Variants in RAB3C observed in about 807,000 individuals in gnomAD.
The protein encoded by RAB3C is ras-related protein Rab-3C.
A neutral mutation model predicts 26.4 loss-of-function variants in RAB3C; 17 were observed. That is an observed-to-expected ratio of 0.64 (90% CI 0.44 to 0.97). RAB3C has a LOEUF of 0.97. RAB3C is among the 50% of genes least tolerant of loss of function. The probability of loss-of-function intolerance (pLI) is 0.00; values close to 1 mark genes in which losing one functional copy is unlikely to be tolerated. For missense variants in RAB3C, 242 were observed against 281.9 expected (o/e 0.86, Z 1.01); for synonymous variants, 91 against 95.9 (o/e 0.95, Z 0.30).
chr5:58,698,177 C>T (rs973224304), intron 2 of RAB3C, among the ~76,000 whole-genome samples: 1 of 152,264 alleles, frequency 6.6e-6, no homozygotes, highest in South Asian at 2.1e-4. Flanking sequence ...TTCTCCTTCA[C>T]TTGTGAAGGT....
At chr5:58,766,997 C>A (rs1465902563) in intron 3 of RAB3C, among the ~76,000 whole-genome samples, 1 of 147,840 alleles carries the variant, frequency 6.8e-6, no homozygotes, top group Non-Finnish European at 1.5e-5. Flanking sequence ...AAGTGTATAC[C>A]CACATAGTCA....
chr5:58,648,370 A>G (rs1455413354), intron 2 of RAB3C, among the ~76,000 whole-genome samples: 1 of 151,864 alleles, frequency 6.6e-6, no homozygotes, highest in African/African-American at 2.4e-5. Flanking sequence ...GATGAACAAG[A>G]CTCCCTGCTT....
intron 2 of RAB3C, among the ~76,000 whole-genome samples, chr5:58,719,239 A>G (rs1247490733): frequency 6.6e-6 from 1 of 152,094 alleles, no homozygotes; most frequent in African/African-American, 2.4e-5. Flanking sequence ...TAAGAGAGAA[A>G]TAGATATCTA....
At chr5:58,609,848 G>A (rs1746659133) in intron 1 of RAB3C, among the ~76,000 whole-genome samples, 1 of 152,138 alleles carries the variant, frequency 6.6e-6, no homozygotes, top group African/African-American at 2.4e-5. Flanking sequence ...CCAGGATTAG[G>A]ATTTAAACTT....
intron 2 of RAB3C, among the ~76,000 whole-genome samples, chr5:58,709,273 A>G (rs1022577762): frequency 6.6e-6 from 1 of 152,204 alleles, no homozygotes; most frequent in South Asian, 2.1e-4. Context: ...GTCAAATTTT[A>G]TCATTTTCAA....
At chr5:58,837,171 AT>A (rs1743768031) in intron 4 of RAB3C, among the ~76,000 whole-genome samples, 1 of 151,918 alleles carries the variant, frequency 6.6e-6, no homozygotes, top group Admixed American at 6.6e-5. Flanking sequence ...TTCACTGGCC[AT>A]TTTTATGTCT....
intron 1 of RAB3C, 113 bp downstream of exon 1, chr5:58,583,345 G>A: frequency 1.9e-6 from 3 of 1,565,542 alleles, no homozygotes; most frequent in South Asian, 2.3e-5. Context: ...CACCCGCGGA[G>A]ATGCGGCTCT....
intron 1 of RAB3C, among the ~76,000 whole-genome samples, chr5:58,603,144 A>C (rs1375714466): frequency 6.6e-6 from 1 of 152,140 alleles, no homozygotes; most frequent in African/African-American, 2.4e-5. Context: ...ATATGGCCCC[A>C]ATCCCTTCTA....
intron 3 of RAB3C, among the ~76,000 whole-genome samples, chr5:58,749,459 G>C (rs1316327730): frequency 6.6e-6 from 1 of 152,112 alleles, no homozygotes. Context: ...AATTACAAGA[G>C]AATGCAATAA....
At chr5:58,819,473 T>G (rs1241395692) in intron 3 of RAB3C, among the ~76,000 whole-genome samples, 1 of 152,196 alleles carries the variant, frequency 6.6e-6, no homozygotes, top group Non-Finnish European at 1.5e-5. Flanking sequence ...TTTTCCTTGG[T>G]TAAAGGAATA....
At chr5:58,727,324 T>C (rs1380748011) in intron 3 of RAB3C, among the ~76,000 whole-genome samples, 3 of 151,864 alleles carry the variant, frequency 2.0e-5, no homozygotes, top group African/African-American at 4.8e-5. Flanking sequence ...CCATTGGCAA[T>C]AGCAATTCAA....
At chr5:58,841,159 C>T (rs1057337965) in intron 4 of RAB3C, among the ~76,000 whole-genome samples, 2 of 152,180 alleles carry the variant, frequency 1.3e-5, no homozygotes, top group Non-Finnish European at 2.9e-5. Context: ...TGAGCACGGT[C>T]ACATAGCGAC....
intron 4 of RAB3C, among the ~76,000 whole-genome samples, chr5:58,843,872 C>T (rs897394590): frequency 6.6e-6 from 1 of 152,166 alleles, no homozygotes; most frequent in Non-Finnish European, 1.5e-5. Flanking sequence ...CTCTCCATTT[C>T]CCCATTAACC....
At chr5:58,679,902 C>T (rs1215879743) in intron 2 of RAB3C, among the ~76,000 whole-genome samples, 8 of 152,054 alleles carry the variant, frequency 5.3e-5, no homozygotes, top group African/African-American at 1.5e-4. Context: ...ATTTTCAGTG[C>T]GGAAATGTGT....
intron 3 of RAB3C, among the ~76,000 whole-genome samples, chr5:58,801,197 G>A (rs1742801144): frequency 6.6e-6 from 1 of 152,140 alleles, no homozygotes; most frequent in Non-Finnish European, 1.5e-5. Flanking sequence ...AGCCATTGAG[G>A]AACTGAGATA....
intron 2 of RAB3C, among the ~76,000 whole-genome samples, chr5:58,697,387 A>G (rs1188889863): frequency 3.3e-5 from 5 of 152,162 alleles, no homozygotes; most frequent in Admixed American, 3.3e-4. Flanking sequence ...TGCTGAGAAG[A>G]ATGTATATTC....
intron 2 of RAB3C, among the ~76,000 whole-genome samples, chr5:58,661,271 G>A (rs1747901546): frequency 6.7e-6 from 1 of 149,952 alleles, no homozygotes; most frequent in Admixed American, 6.6e-5. Flanking sequence ...AGCAAACTCA[G>A]GAATTATAAA....
intron 3 of RAB3C, among the ~76,000 whole-genome samples, chr5:58,754,931 C>T (rs1741622901): frequency 6.6e-6 from 1 of 151,698 alleles, no homozygotes; most frequent in Admixed American, 6.6e-5. Context: ...TTCTGTCAGC[C>T]CCAGGTAAAT....
chr5:58,820,190 A>G (rs1206930892), intron 3 of RAB3C, among the ~76,000 whole-genome samples: 1 of 151,612 alleles, frequency 6.6e-6, no homozygotes, highest in Non-Finnish European at 1.5e-5. Flanking sequence ...TTAACCTACC[A>G]TGCACTAAGC....
Sources: allele counts gnomAD v4.1 joint callset (sites outside exome capture counted in the v4.1 genomes callset), GRCh38; gene constraint gnomAD v4.1.1; transcripts MANE v1.5; gene names NCBI Gene and HGNC (gene_info 2026-07-23, HGNC 2026-07-21).